The following STARD10 variants were observed in gnomAD, a reference collection of about 807,000 sequenced individuals.
STARD10 encodes the protein StAR related lipid transfer domain containing 10.
Under a neutral mutation model 36.0 loss-of-function variants are expected in STARD10, and 24 were observed. The observed-to-expected ratio is 0.67, with a 90% CI of 0.48 to 0.94. The LOEUF (loss-of-function observed/expected upper bound fraction) is 0.94. Ranked by LOEUF, STARD10 falls within the 40% of genes least tolerant of loss-of-function variation. STARD10 has a pLI of 0.00. For missense variants in STARD10, 335 were observed against 396.6 expected (o/e 0.84, Z 1.32); for synonymous variants, 156 against 161.9 (o/e 0.96, Z 0.28).
intron 2 of STARD10, chr11:72,780,233 C>A (rs1427756987): frequency 4.9e-6 from 2 of 411,762 alleles, no homozygotes; most frequent in Admixed American, 2.7e-5. Flanking sequence ...CCCAAGCCTG[C>A]CCTGCACGGC....
At position 72,757,754 on chromosome 11, in the gene STARD10, G is replaced by A; in HGVS notation, c.577+13C>T. ...AAGGATCCCATGATAGGCTGCCAGG[G>A]CCAAGCCCTCACCTTTGGGGTCCAC... On this transcript the variant is annotated intron_variant, in intron 5 of 6. Coordinates refer to ENST00000334805, the MANE Select transcript of STARD10 (RefSeq NM_006645.3). 1 of 1,612,168 alleles carries A rather than the reference G, an allele frequency of 6.2e-7. No homozygotes were observed. Among genetic ancestry groups the A allele is most frequent in the Non-Finnish European group, 8.5e-7 (1 of 1,178,652 alleles).
chr11:72,754,829 A>ACTT lies in STARD10; in HGVS notation c.*67_*68insAAG. On this transcript the variant is annotated 3_prime_UTR_variant, in exon 7 of 7. Transcript: ENST00000334805. ...CAGGTGCCGGGTGGGGGAGGGGAGA[A>ACTT]AGTGCAGGAGCGGCCGCCGCCCCAG... is the stretch of plus-strand genomic sequence containing the variant. 1 of 1,547,372 alleles carries ACTT rather than the reference A, an allele frequency of 6.5e-7. No homozygotes were observed. The highest frequency in any genetic ancestry group is 8.7e-7 in the Non-Finnish European group (1 of 1,153,670).
At chr11:72,786,260 G>C (rs1859069395) in intron 1 of STARD10, among the ~76,000 whole-genome samples, 2 of 152,158 alleles carry the variant, frequency 1.3e-5, no homozygotes, top group Admixed American at 6.5e-5. Flanking sequence ...GCTGAGGCAA[G>C]AGGATGGCTT....
chr11:72,757,545 G>A (rs1377927675), intron 5 of STARD10, among the ~76,000 whole-genome samples: 1 of 152,346 alleles, frequency 6.6e-6, no homozygotes, highest in South Asian at 2.1e-4. Context: ...CCCAGGAAAA[G>A]TGCTCCCAGC....
Position 72,755,159 on chromosome 11 carries a change from C to T in STARD10, c.631-17G>A. 1 of 1,604,456 alleles carries T rather than the reference C, an allele frequency of 6.2e-7. No homozygotes were observed. Reference sequence around the variant, plus strand: ...CTTCATGGCCTGTGGGCCCGCCGCCCCGCCGGGTCAGGGGGTGGCTAGGGG... The same window carrying T: ...CTTCATGGCCTGTGGGCCCGCCGCCTCGCCGGGTCAGGGGGTGGCTAGGGG... On this transcript the variant is annotated splice_polypyrimidine_tract_variant and intron_variant, in intron 6 of 6. Coordinates refer to ENST00000334805, the MANE Select transcript of STARD10 (RefSeq NM_006645.3).
intron 2 of STARD10, among the ~76,000 whole-genome samples, chr11:72,776,135 A>C (rs1289470568): frequency 2.0e-5 from 3 of 152,188 alleles, no homozygotes; most frequent in African/African-American, 7.2e-5. Flanking sequence ...CTCAGGGCCT[A>C]ACCCTGGATT....
At chr11:72,760,792 G>A (rs1336910314) in intron 2 of STARD10, among the ~76,000 whole-genome samples, 1 of 151,938 alleles carries the variant, frequency 6.6e-6, no homozygotes, top group Admixed American at 6.6e-5. Flanking sequence ...CACTCAGTGA[G>A]ATGAAACTCA....
intron 2 of STARD10, among the ~76,000 whole-genome samples, chr11:72,778,980 G>C (rs1242784822): frequency 2.0e-5 from 3 of 152,214 alleles, no homozygotes; most frequent in Non-Finnish European, 4.4e-5. Context: ...CTGGCCACGA[G>C]TGGTCTGTTG....
chr11:72,763,683 G>T (rs1009076395), intron 2 of STARD10, among the ~76,000 whole-genome samples: 1 of 152,190 alleles, frequency 6.6e-6, no homozygotes, highest in Admixed American at 6.5e-5. Flanking sequence ...GTGAGTGACT[G>T]AGTGAATGAA....
rs756414204 is a variant in STARD10 at position 72,757,887 on chromosome 11, G to A, written c.460-3C>T. On this transcript the variant is annotated splice_polypyrimidine_tract_variant and splice_region_variant and intron_variant, in intron 4 of 6. Transcript: ENST00000334805. ...AAGTCTTTCCGAGGTGGGTATTTCT[G>A]GGGATGGAAGGCACAGGGAGGTGAG... The A allele has an allele frequency of 3.8e-5, 62 of 1,613,876 alleles. No individual in the cohort carries two copies. The Middle Eastern group carries it at 8.2e-4, about 21-fold the overall frequency.
intron 6 of STARD10, 186 bp from the exon 7 acceptor site, chr11:72,755,328 T>TTTTTTTTTTTTTTTTTTTTAG: frequency 1.6e-6 from 1 of 622,322 alleles, no homozygotes; most frequent in Non-Finnish European, 2.6e-6. Flanking sequence ...TTTTTTTTTT[T>TTTTTTTTTTTTTTTTTTTTAG]GAGACGGAAT....
At chr11:72,783,651 G>A (rs1847870575) in intron 1 of STARD10, 1 of 152,710 alleles carries the variant, frequency 6.5e-6, no homozygotes, top group African/African-American at 2.4e-5. Flanking sequence ...TATCCTCTTG[G>A]ATCTGCCACG....
At chr11:72,768,959 C>G (rs1030830390) in intron 2 of STARD10, among the ~76,000 whole-genome samples, 1 of 152,202 alleles carries the variant, frequency 6.6e-6, no homozygotes, top group Non-Finnish European at 1.5e-5. Context: ...AGCCCTGGTC[C>G]GTGGCCCTCA....
intron 1 of STARD10, among the ~76,000 whole-genome samples, chr11:72,788,166 A>T (rs1405592307): frequency 6.6e-6 from 1 of 152,092 alleles, no homozygotes; most frequent in South Asian, 2.1e-4. Flanking sequence ...ATACCCAGGG[A>T]CCATACGCTG....
At chr11:72,761,917 C>CCTTTTTTTTTTTTTTTTTT (rs1858721999) in intron 2 of STARD10, among the ~76,000 whole-genome samples, 1 of 37,472 alleles carries the variant, frequency 2.7e-5, no homozygotes, top group Non-Finnish European at 4.8e-5. Flanking sequence ...CTTTTCTTTT[C>CCTTTTTTTTTTTTTTTTTT]TTTTTTTTTT....
At chr11:72,773,075 G>A (rs1858885475) in intron 2 of STARD10, among the ~76,000 whole-genome samples, 1 of 152,174 alleles carries the variant, frequency 6.6e-6, no homozygotes, top group Admixed American at 6.5e-5. Flanking sequence ...CATGAGAAGA[G>A]GTTTGTTGAA....
chr11:72,781,556 T>G lies in STARD10; in HGVS notation c.-113-262A>C. 6.3e-6 allele frequency: 1 copy of G among 157,780 alleles called. No homozygotes were observed. The highest frequency in any genetic ancestry group is 1.3e-5 in the Non-Finnish European group (1 of 76,678). The allele number at this position is 157,780 out of a possible 1,614,324, so 9.8% of individuals were successfully genotyped here. A position where few individuals can be genotyped will look rare whatever the true frequency, so the allele number is the denominator to read the frequency against. Reference sequence around the variant, plus strand: ...GGCCGGGACCCGAGGGGAGGGACGGTGCGGCGGGGCCCGCGGAGCGACCTG... The same window carrying G: ...GGCCGGGACCCGAGGGGAGGGACGGGGCGGCGGGGCCCGCGGAGCGACCTG... On this transcript the variant is annotated intron_variant, in intron 1 of 6. Coordinates refer to ENST00000334805, the MANE Select transcript of STARD10 (RefSeq NM_006645.3). This position sits in a 1 kb window ranked among gnomAD's most constrained non-coding sequence, Gnocchi z 4.7.
At chr11:72,759,790 G>C (rs1017372666) in intron 2 of STARD10, among the ~76,000 whole-genome samples, 2 of 152,226 alleles carry the variant, frequency 1.3e-5, no homozygotes, top group African/African-American at 2.4e-5. Flanking sequence ...AAGCATAAAT[G>C]AAAGTCGAAT....
At chr11:72,787,988 G>A (rs907504490) in intron 1 of STARD10, among the ~76,000 whole-genome samples, 1 of 152,056 alleles carries the variant, frequency 6.6e-6, no homozygotes, top group Non-Finnish European at 1.5e-5. Flanking sequence ...CCGTTTGGGT[G>A]ATAGGAGAGG....
Sources: allele counts gnomAD v4.1 joint callset (sites outside exome capture counted in the v4.1 genomes callset), GRCh38; gene constraint gnomAD v4.1.1; non-coding constraint Gnocchi (gnomAD v3.1); transcripts MANE v1.5; gene names NCBI Gene and HGNC (gene_info 2026-07-23, HGNC 2026-07-21).